CLIP2: variants seen among roughly 807,000 people sequenced by gnomAD.
CLIP2 encodes CAP-Gly domain-containing linker protein 2.
In CLIP2, 41 loss-of-function variants were observed where a neutral mutation model predicts 111.7. That is an observed-to-expected ratio of 0.37 (90% CI 0.29 to 0.48). The LOEUF (loss-of-function observed/expected upper bound fraction) is 0.48, where lower values mean the gene tolerates loss of function less well. Ranked by LOEUF, CLIP2 falls within the 20% of genes least tolerant of loss-of-function variation. The pLI is 0.99. For missense variants in CLIP2, 1,160 were observed against 1,422.1 expected, an observed-to-expected ratio of 0.82 and a Z score of 2.96; for synonymous variants, 660 against 644.2, an observed-to-expected ratio of 1.02 and a Z score of -0.37.
At chr7:74,394,202 G>A (rs1372941151) in intron 13 of CLIP2, among the ~76,000 whole-genome samples, 1 of 148,708 alleles carries the variant, frequency 6.7e-6, no homozygotes, top group Non-Finnish European at 1.5e-5. Context: ...GCTCTCATCA[G>A]TTATGAGATT....
At chr7:74,313,044 A>G (rs1788682798) in intron 1 of CLIP2, among the ~76,000 whole-genome samples, 3 of 151,598 alleles carry the variant, frequency 2.0e-5, no homozygotes, top group Non-Finnish European at 4.4e-5. Flanking sequence ...GGCCAGGTAC[A>G]GTGGCACACA....
At chr7:74,311,021 C>A (rs1454540550) in intron 1 of CLIP2, among the ~76,000 whole-genome samples, 1 of 151,350 alleles carries the variant, frequency 6.6e-6, no homozygotes, top group Non-Finnish European at 1.5e-5. Flanking sequence ...GCTCTGTTGC[C>A]CAGGCTGGAG....
rs1359272142 is a variant in CLIP2, at chr7:74,356,401, C to A, written c.804-9C>A. The A allele has an allele frequency of 1.9e-6, 3 of 1,613,622 alleles. No individual in the cohort carries two copies. Among genetic ancestry groups the A allele is most frequent in the Admixed American group, 1.7e-5 (1 of 60,018 alleles). ...GTGACAGCAGCTTGGGTCTCTCCTG[C>A]TTCCACAGGTACTTCCAGTGCCCAC... On this transcript the variant is annotated splice_polypyrimidine_tract_variant and intron_variant, in intron 4 of 16. Coordinates refer to ENST00000223398, the MANE Select transcript of CLIP2 (RefSeq NM_003388.5).
chr7:74,385,177 C>T (rs548700092), intron 11 of CLIP2, among the ~76,000 whole-genome samples: 51 of 148,534 alleles, frequency 3.4e-4, no homozygotes, highest in South Asian at 1.1e-3. Flanking sequence ...TGCCTGTAAT[C>T]GCAGCTACTC....
intron 2 of CLIP2, among the ~76,000 whole-genome samples, chr7:74,328,685 C>G (rs1042610141): frequency 6.6e-6 from 1 of 152,118 alleles, no homozygotes; most frequent in East Asian, 1.9e-4. Context: ...GTGCTGTACT[C>G]AAGGCAGAAG....
chr7:74,398,057 C>A (rs1791511027), intron 14 of CLIP2, among the ~76,000 whole-genome samples: 1 of 151,840 alleles, frequency 6.6e-6, no homozygotes, highest in East Asian at 2.0e-4. Flanking sequence ...TAGCATAGCA[C>A]AGGACCATCC....
chr7:74,289,848 G>A (rs1036768079), intron 1 of CLIP2, 114 bp downstream of exon 1: 1 of 152,518 alleles, frequency 6.6e-6, no homozygotes, highest in South Asian at 2.0e-4. Flanking sequence ...AGGCATTGTC[G>A]GGGCGTGGGC....
intron 1 of CLIP2, among the ~76,000 whole-genome samples, chr7:74,313,958 G>A (rs1788705712): frequency 6.6e-6 from 1 of 152,180 alleles, no homozygotes; most frequent in African/African-American, 2.4e-5. Context: ...CGAGGCGGTA[G>A]AATTGCCTGA....
In CLIP2 at chr7:74,403,840, A is replaced by G; in HGVS notation, c.3133A>G (p.Lys1045Glu). The change falls in exon 17 of 17, where the codon AAG (lysine) becomes GAG (glutamate). Residue 1045 changes from lysine to glutamate, a missense_variant. By Grantham distance (56) the Lys-to-Glu change is moderately conservative (BLOSUM62 1). Transcript: ENST00000223398. ...QQDKAQKQED[K>E]H ...TGATGCCCTTTACTCTCTCTAGGAC[A>G]AGCACTGATCCTGAGGGGATACTGT... The G allele has an allele frequency of 6.2e-7, 1 of 1,613,290 alleles. No homozygotes were observed.
chr7:74,320,454 C>T (rs1235740896), intron 2 of CLIP2, among the ~76,000 whole-genome samples: 1 of 151,668 alleles, frequency 6.6e-6, no homozygotes. Context: ...CCCAGGAGGT[C>T]GAGGCTGCGG....
At chr7:74,343,894 C>T (rs1235126134) in intron 3 of CLIP2, among the ~76,000 whole-genome samples, 7 of 151,294 alleles carry the variant, frequency 4.6e-5, no homozygotes, top group African/African-American at 7.3e-5. Flanking sequence ...CAGAGTGAGA[C>T]GCTGTCTTAA....
Position 74,389,230 on chromosome 7 carries a change from C to G in CLIP2, c.2691C>G (p.Leu897=). ...KTHDASGQLV[L]ISQELLRKER... ...ATGACGCCTCGGGCCAGCTAGTCCT[C>G]ATCAGCCAGGAGCTGCTGCGGAAGG... The change falls in exon 13 of 17, where the codon CTC becomes CTG. Residue 897 remains leucine, a synonymous_variant. Transcript: ENST00000223398. The G allele has an allele frequency of 1.2e-6, 2 of 1,609,158 alleles. No individual in the cohort carries two copies. The highest frequency in any genetic ancestry group is 1.7e-6 in the Non-Finnish European group (2 of 1,178,106).
chr7:74,310,365 A>T (rs560250142), intron 1 of CLIP2, among the ~76,000 whole-genome samples: 5 of 152,082 alleles, frequency 3.3e-5, no homozygotes, highest in South Asian at 4.2e-4. Flanking sequence ...GCTGCAAAAA[A>T]TAAAAAGTTA....
chr7:74,305,865 A>ACCCCCCCC (rs1788472143), intron 1 of CLIP2, among the ~76,000 whole-genome samples: 1 of 75,052 alleles, frequency 1.3e-5, no homozygotes, highest in African/African-American at 9.8e-5. Flanking sequence ...ACCCCCCCCC[A>ACCCCCCCC]CCGCCCCTGC....
intron 13 of CLIP2, 139 bp downstream of exon 13, chr7:74,389,398 C>T (rs1268375661): frequency 1.3e-6 from 1 of 783,474 alleles, no homozygotes; most frequent in Non-Finnish European, 2.0e-6. Context: ...AGCGATCACC[C>T]TGCTCTCCTC....
intron 7 of CLIP2, among the ~76,000 whole-genome samples, chr7:74,361,370 C>A (rs1346867145): frequency 4.6e-5 from 7 of 151,628 alleles, no homozygotes; most frequent in Non-Finnish European, 7.4e-5. Flanking sequence ...GGCATGGCCA[C>A]CAAGCCCTGC....
At chr7:74,403,020 G>C (rs1791662203) in intron 16 of CLIP2, among the ~76,000 whole-genome samples, 1 of 151,544 alleles carries the variant, frequency 6.6e-6, no homozygotes, top group Non-Finnish European at 1.5e-5. Context: ...AGACCAGCCT[G>C]GCCAACATAG....
chr7:74,323,930 C>T (rs1789040463), intron 2 of CLIP2, among the ~76,000 whole-genome samples: 1 of 152,206 alleles, frequency 6.6e-6, no homozygotes, highest in African/African-American at 2.4e-5. Context: ...GTATCCCCGT[C>T]GTTAAGTGAT....
Position 74,376,311 on chromosome 7 carries a change from C to T in CLIP2, c.1910C>T (p.Ser637Leu), listed in dbSNP as rs781945822. Residue 637 changes from serine (S) to leucine (L), a missense_variant, in exon 10 of 17, where the codon TCG becomes TTG. Coordinates refer to ENST00000223398, the MANE Select transcript of CLIP2 (RefSeq NM_003388.5). This position sits in a 1 kb window ranked among gnomAD's most constrained non-coding sequence, Gnocchi z 7.1. ...GAGGACCTCAAAGCCACCCTGAACT[C>T]GGGCCCAGGCGCCCAGCAGAAGGAG... ...SLEDLKATLNSGPGAQQKEIG... is the reference protein window; with the variant it reads ...SLEDLKATLNLGPGAQQKEIG... The T allele has an allele frequency of 1.4e-5, 22 of 1,613,812 alleles. No homozygotes were observed. The highest frequency in any genetic ancestry group is 1.5e-5 in the Non-Finnish European group (18 of 1,179,962).
Sources: allele counts gnomAD v4.1 joint callset (sites outside exome capture counted in the v4.1 genomes callset), GRCh38; gene constraint gnomAD v4.1.1; non-coding constraint Gnocchi (gnomAD v3.1); transcripts MANE v1.5; gene names NCBI Gene and HGNC (gene_info 2026-07-23, HGNC 2026-07-21).